Variants in WWC2 observed in about 807,000 individuals in gnomAD.
The protein encoded by WWC2 is WW and C2 domain containing 2.
WWC2 carries 101 observed loss-of-function variants against 138.5 expected under a neutral mutation model. The ratio of observed to expected loss-of-function variants is 0.73; its 90% CI spans 0.62 to 0.86. The LOEUF is 0.86. Among genes scored for constraint, WWC2 ranks in the 40% least tolerant of loss-of-function variants. WWC2 has a pLI of 0.00. For synonymous variants in WWC2, 558 were observed against 538.4 expected, an observed-to-expected ratio of 1.04 and a Z score of -0.50; for missense variants, 1,420 against 1,419.4, an observed-to-expected ratio of 1.00 and a Z score of -0.01.
intron 4 of WWC2, among the ~76,000 whole-genome samples, chr4:183,209,598 GCTTTCC>G (rs1317845135): frequency 6.6e-6 from 1 of 152,116 alleles, no homozygotes; most frequent in African/African-American, 2.4e-5. Context: ...CTTGTAACTT[GCTTTCC>G]CTCATTGTGC....
chr4:183,214,567 C>T (rs964105664), intron 4 of WWC2, among the ~76,000 whole-genome samples: 6 of 151,840 alleles, frequency 4.0e-5, no homozygotes, highest in Admixed American at 6.6e-5. Context: ...TCGAGGTGGG[C>T]GGATCACCTG....
At chr4:183,114,454 C>T (rs1031053383) in intron 1 of WWC2, among the ~76,000 whole-genome samples, 1 of 152,034 alleles carries the variant, frequency 6.6e-6, no homozygotes, top group African/African-American at 2.4e-5. Flanking sequence ...CTAGTAGACA[C>T]CCAGATATAG....
At chr4:183,285,892 A>G (rs1738232190) in intron 19 of WWC2, 75 bp from the exon 20 acceptor site, 1 of 1,353,248 alleles carries the variant, frequency 7.4e-7, no homozygotes, top group African/African-American at 1.4e-5. Flanking sequence ...TACTTGGTAA[A>G]TGTCTCAATC....
intron 1 of WWC2, among the ~76,000 whole-genome samples, chr4:183,189,011 A>T (rs1415370620): frequency 6.6e-6 from 1 of 152,096 alleles, no homozygotes; most frequent in Admixed American, 6.5e-5. Context: ...GAATCTCATT[A>T]TTATCTTCCA....
At chr4:183,298,794 A>G (rs1051907112) in intron 21 of WWC2, among the ~76,000 whole-genome samples, 1 of 152,184 alleles carries the variant, frequency 6.6e-6, no homozygotes, top group African/African-American at 2.4e-5. Context: ...TTTCAGTATA[A>G]ATAAGGATTC....
intron 1 of WWC2, among the ~76,000 whole-genome samples, chr4:183,162,038 A>G (rs75185674): frequency 0.016 from 2,414 of 152,316 alleles, 55 homozygotes; most frequent in African/African-American, 0.055. Context: ...AAAAGAGATA[A>G]TACATGACAT....
intron 16 of WWC2, among the ~76,000 whole-genome samples, chr4:183,273,300 T>A (rs1016896817): frequency 2.0e-5 from 3 of 152,096 alleles, no homozygotes; most frequent in Non-Finnish European, 2.9e-5. Context: ...TTATTTTTAA[T>A]TTATTATCAT....
chr4:183,177,682 G>A (rs1018512405), intron 1 of WWC2, among the ~76,000 whole-genome samples: 2 of 152,008 alleles, frequency 1.3e-5, no homozygotes, highest in African/African-American at 4.8e-5. Context: ...TAACATTTAT[G>A]AACATGGGCA....
At chr4:183,116,193 T>G (rs2152888768) in intron 1 of WWC2, among the ~76,000 whole-genome samples, 1 of 152,304 alleles carries the variant, frequency 6.6e-6, no homozygotes, top group Middle Eastern at 3.4e-3. Context: ...GTTCCATTGG[T>G]GTGTGTGTCT....
intron 2 of WWC2, among the ~76,000 whole-genome samples, chr4:183,196,609 A>T (rs904292125): frequency 6.6e-6 from 1 of 152,164 alleles, no homozygotes; most frequent in African/African-American, 2.4e-5. Flanking sequence ...GGCTCTTCCT[A>T]GTCTGCTTGC....
At chr4:183,185,374 A>G (rs1315301772) in intron 1 of WWC2, among the ~76,000 whole-genome samples, 1 of 152,212 alleles carries the variant, frequency 6.6e-6, no homozygotes, top group Non-Finnish European at 1.5e-5. Context: ...ACTTGGAATC[A>G]TGTTATAACC....
intron 1 of WWC2, among the ~76,000 whole-genome samples, chr4:183,107,336 A>G (rs530458826): frequency 7.2e-4 from 110 of 151,948 alleles, no homozygotes; most frequent in African/African-American, 2.6e-3. Flanking sequence ...CAATTTTTGT[A>G]TTTTTAGTAG....
At chr4:183,136,056 A>G (rs1020073475) in intron 1 of WWC2, among the ~76,000 whole-genome samples, 5 of 150,862 alleles carry the variant, frequency 3.3e-5, no homozygotes, top group African/African-American at 1.2e-4. Context: ...GTGTTCCTCA[A>G]TTTCTCTTTG....
intron 21 of WWC2, among the ~76,000 whole-genome samples, chr4:183,301,720 T>G (rs1214022664): frequency 1.3e-5 from 2 of 152,248 alleles, no homozygotes; most frequent in African/African-American, 4.8e-5. Flanking sequence ...TATTTTAATT[T>G]TTTTTAAATG....
chr4:183,192,014 G>A (rs1035109578), intron 1 of WWC2, among the ~76,000 whole-genome samples: 5 of 152,074 alleles, frequency 3.3e-5, no homozygotes, highest in Non-Finnish European at 7.4e-5. Flanking sequence ...CGTGAGCCAC[G>A]GTGCCCAACC....
intron 21 of WWC2, among the ~76,000 whole-genome samples, chr4:183,292,266 A>G (rs1176676941): frequency 6.6e-6 from 1 of 150,964 alleles, no homozygotes; most frequent in Non-Finnish European, 1.5e-5. Context: ...ACACACACAC[A>G]TACTCCCAGT....
At chr4:183,296,357 C>T (rs1053550246) in intron 21 of WWC2, among the ~76,000 whole-genome samples, 12 of 152,112 alleles carry the variant, frequency 7.9e-5, no homozygotes, top group African/African-American at 1.9e-4. Flanking sequence ...AGGAATAATT[C>T]GAAGATCATG....
Position 183,265,960 on chromosome 4 carries a change from A to G in WWC2, c.2207+9A>G, listed in dbSNP as rs1737491619. The G allele has an allele frequency of 6.2e-7, 1 of 1,605,414 alleles. No homozygotes were observed. The highest frequency in any genetic ancestry group is 8.5e-7 in the Non-Finnish European group (1 of 1,175,160). ...CCTCATACTTCAAAAGTGTAAGTAAAATCAGCGAAGATCAAATTGAGGAAC... is the reference window on the plus strand; with the variant it reads ...CCTCATACTTCAAAAGTGTAAGTAAGATCAGCGAAGATCAAATTGAGGAAC... On this transcript the variant is annotated intron_variant, in intron 14 of 22. Transcript: ENST00000403733.
At chr4:183,268,205 AG>A (rs758927119) in intron 14 of WWC2, among the ~76,000 whole-genome samples, 6 of 152,202 alleles carry the variant, frequency 3.9e-5, no homozygotes, top group South Asian at 2.1e-4. Flanking sequence ...ATGGGGGTGG[AG>A]GGGATAGACT....
Sources: gnomAD v4.1 joint callset for allele counts (sites outside exome capture counted in the v4.1 genomes callset) on GRCh38, gnomAD v4.1.1 for gene constraint, MANE v1.5 for transcripts, NCBI Gene and HGNC (gene_info 2026-07-23, HGNC 2026-07-21) for gene names.